Variants in TTN observed in about 807,000 individuals in gnomAD.
TTN encodes the protein titin.
In TTN, 1,525 loss-of-function variants were observed where a neutral mutation model predicts 3,223.0. The ratio of observed to expected loss-of-function variants is 0.47; its 90% CI spans 0.45 to 0.49. The LOEUF (loss-of-function observed/expected upper bound fraction) is 0.49. TTN is among the 20% of genes least tolerant of loss of function. The pLI, the probability that TTN is intolerant of heterozygous loss-of-function variation, is 0.00. For missense variants in TTN, 40,786 were observed against 43,424.0 expected (o/e 0.94, Z 5.40); for synonymous variants, 14,094 against 15,161.0 (o/e 0.93, Z 5.17).
At chr2:178,684,107 A>C in intron 132 of TTN, 25 bp from the exon 133 acceptor site, 1 of 1,609,846 alleles carries the variant, frequency 6.2e-7, no homozygotes, top group Non-Finnish European at 8.5e-7. Context: ...TTCACTTTAA[A>C]GTATTGTTTC....
chr2:178,578,474 A>G, intron 321 of TTN, 137 bp downstream of exon 321: 1 of 645,636 alleles, frequency 1.5e-6, no homozygotes, highest in Non-Finnish European at 2.6e-6. Flanking sequence ...TTAAACATTA[A>G]CCATATGTAC....
At position 178,746,006 on chromosome 2, in the gene TTN, C is replaced by G. The variant is rs148147002; in HGVS notation, c.11312-4085G>C. On this transcript the variant is annotated intron_variant, in intron 47 of 362. Transcript: ENST00000589042. Reference sequence around the variant, plus strand: ...AGAATCTCCCATGGTGAGGAATCCCCGACAGATAGCCTCTCCTACACAATT... The same window carrying G: ...AGAATCTCCCATGGTGAGGAATCCCGGACAGATAGCCTCTCCTACACAATT... The G allele has an allele frequency of 4.3e-6, 7 of 1,613,040 alleles. No individual in the cohort carries two copies. The African/African-American group carries it at 9.4e-5, about 22-fold the overall frequency.
At chr2:178,596,596 G>A (rs558797714) in intron 294 of TTN, among the ~76,000 whole-genome samples, 2 of 152,054 alleles carry the variant, frequency 1.3e-5, no homozygotes, top group African/African-American at 2.4e-5. Context: ...AATAATTAAC[G>A]TGGAAATGTA....
At position 178,579,023 on chromosome 2, in the gene TTN, C is replaced by T. The variant is rs755897447; in HGVS notation, c.68007G>A (p.Lys22669=). The part of the protein sequence containing the change: ...EAMTLKWAPP[K]DDGGSEITNY... ...TGGTGATTTCAGAACCTCCATCATC[C>T]TTTGGAGGAGCCCACTTTAAGGTCA... Residue 22669 remains lysine (K), a synonymous_variant, in exon 320 of 363, where the codon AAG becomes AAA. Coordinates refer to ENST00000589042, the MANE Select transcript of TTN (RefSeq NM_001267550.2). 1.5e-5 allele frequency: 24 copies of T among 1,613,090 alleles called. No homozygotes were observed. The highest frequency in any genetic ancestry group is 5.5e-5 in the South Asian group (5 of 91,072).
rs1250017638 is a variant in TTN, at chr2:178,591,405, A to C, written c.60320T>G (p.Val20107Gly). The stretch of plus-strand genomic sequence containing the variant: ...ATCGGTTGTCCACTTTGCAGTAGGA[A>C]CAGGCACACCTCTTATAATAGCAGG... ...RFPAIIRGVP[V>G]PTAKWTTDGS... Residue 20107 changes from valine to glycine, a missense_variant, in exon 304 of 363, where the codon GTT (valine) becomes GGT (glycine). Coordinates refer to ENST00000589042, the MANE Select transcript of TTN (RefSeq NM_001267550.2). 1 of 1,612,336 alleles carries C rather than the reference A, an allele frequency of 6.2e-7. No homozygotes were observed. The highest frequency in any genetic ancestry group is 1.1e-5 in the South Asian group (1 of 90,840).
Position 178,800,468 on chromosome 2 carries a change from G to A in TTN, c.510C>T (p.Asp170=). ...SLLIAEAYPE[D]SGTYSVNATN... ...TGGCATTTACTGAATAGGTCCCTGA[G>A]TCCTCAGGGTATGCTTCTGCAATCA... The change falls in exon 4 of 363, where the codon GAC becomes GAT. Residue 170 remains aspartate (D), a synonymous_variant. Transcript: ENST00000589042. 1 of 1,614,150 alleles carries A rather than the reference G, an allele frequency of 6.2e-7. No homozygotes were observed.
rs199705789 is a variant in TTN, at chr2:178,644,611, G to T, written c.40414C>A (p.Pro13472Thr). 1.9e-6 allele frequency: 3 copies of T among 1,564,868 alleles called. No individual in the cohort carries two copies. The highest frequency in any genetic ancestry group is 2.6e-6 in the Non-Finnish European group (3 of 1,158,228). ...KEKIFQLKAIPKKKVPEKPQV... is the reference protein window; with the variant it reads ...KEKIFQLKAITKKKVPEKPQV... ...GGTTTTTCAGGAACTTTCTTCTTTG[G>T]AATAGCTTTAAAGAATATGATTTTA... The change falls in exon 218 of 363, where the codon CCA (proline) becomes ACA (threonine). Residue 13472 changes from proline (P) to threonine (T), a missense_variant. Coordinates refer to ENST00000589042, the MANE Select transcript of TTN (RefSeq NM_001267550.2).
chr2:178,758,291 G>GA (rs541325696), intron 44 of TTN, among the ~76,000 whole-genome samples: 83 of 152,150 alleles, frequency 5.5e-4, no homozygotes, highest in Non-Finnish European at 1.1e-3. Context: ...ATAAGGTTAA[G>GA]AAAAAAATAG....
In TTN at chr2:178,573,714, A is replaced by G. The variant is rs768746312; in HGVS notation, c.72418T>C (p.Cys24140Arg). The change falls in exon 326 of 363, where the codon TGT (cysteine) becomes CGT (arginine). Residue 24140 changes from cysteine to arginine, a missense_variant. Physicochemically the swap from Cys to Arg is radical, Grantham distance 180 (BLOSUM62 -3). Coordinates refer to ENST00000589042, the MANE Select transcript of TTN (RefSeq NM_001267550.2). ...LAVTEVTSEK[C>R]VLSWFPPLDD... is the part of the protein sequence containing the mutation. The stretch of plus-strand genomic sequence containing the variant: ...AGTGGAGGGAACCATGATAGTACAC[A>G]CTTTTCTGATGTCACTTCAGTTACA... 6.5e-7 allele frequency: 1 copy of G among 1,547,160 alleles called. No individual in the cohort carries two copies. The highest frequency in any genetic ancestry group is 2.0e-5 in the Admixed American group (1 of 50,222).
chr2:178,602,255 A>G (rs1476639234), intron 283 of TTN, 27 bp downstream of exon 283: 5 of 1,604,616 alleles, frequency 3.1e-6, no homozygotes, highest in Non-Finnish European at 3.4e-6. Context: ...CAAAAGAGGA[A>G]TACATAAACT....
chr2:178,719,784 C>A lies in TTN; in HGVS notation c.23708G>T (p.Gly7903Val). ...TACACACTCTAATGCAAAAGGATTT[C>A]CAGTAGTGACAGTCATGGGTTCGGG... ...EKPEPMTVTT[G>V]NPFALECVVT... is the part of the protein sequence containing the mutation. The change falls in exon 82 of 363, where the codon GGA (glycine) becomes GTA (valine). Residue 7903 changes from glycine to valine, a missense_variant. By Grantham distance (109) the Gly-to-Val change is moderately radical (BLOSUM62 -3). Coordinates refer to ENST00000589042, the MANE Select transcript of TTN (RefSeq NM_001267550.2). The A allele has an allele frequency of 6.2e-7, 1 of 1,613,318 alleles. No individual in the cohort carries two copies. The highest frequency in any genetic ancestry group is 8.5e-7 in the Non-Finnish European group (1 of 1,179,452).
rs201717871 is a variant in TTN, at chr2:178,618,381, C to T, written c.47077G>A (p.Val15693Ile). The change falls in exon 252 of 363, where the codon GTT becomes ATT. Residue 15693 changes from valine (V) to isoleucine (I), a missense_variant. Coordinates refer to ENST00000589042, the MANE Select transcript of TTN (RefSeq NM_001267550.2). ...TDGGSKIIGY[V>I]VERRDIKRKT... Reference sequence around the variant, plus strand: ...CTCTTAATGTCACGTCTTTCAACAACGTAACCTATGATTTTGCTTCCACCA... The same window carrying T: ...CTCTTAATGTCACGTCTTTCAACAATGTAACCTATGATTTTGCTTCCACCA... 2,693 of 1,612,464 alleles carry T rather than the reference C, an allele frequency of 1.7e-3. 3 individuals are homozygous for T. Among genetic ancestry groups the T allele is most frequent in the Non-Finnish European group, 2.2e-3 (2,546 of 1,179,074 alleles).
rs2288565 is a variant in TTN, at chr2:178,615,633, G to A, written c.48460+8C>T. The A allele has an allele frequency of 1.9e-3, 3,044 of 1,612,076 alleles. 96 individuals are homozygous for A. In the East Asian group the frequency reaches 0.061, roughly 33 times the overall value. ...GATTAGGTAAGAAATCATCAAGAAT[G>A]TACTCACTTGCAGGAGTTGACATAT... On this transcript the variant is annotated splice_region_variant and intron_variant, in intron 258 of 362. Transcript: ENST00000589042.
In TTN at chr2:178,786,129, T is replaced by A. The variant is rs1554023044; in HGVS notation, c.2089A>T (p.Lys697Ter). The change falls in exon 14 of 363, where the codon AAA (lysine) becomes TAA (stop). Residue 697 changes from lysine to a stop codon, truncating the protein, a stop_gained. Transcript: ENST00000589042. LOFTEE classifies it high-confidence loss of function. ...ACTGTTGCTACAGCTTCAGCCTTTT[T>A]TCCAACGTCCACCTGGAGACAAGGT... ...QVTHGKVDVG[K>*]KAEAVATVVA... 2 of 1,613,872 alleles carry A rather than the reference T, an allele frequency of 1.2e-6. No individual in the cohort carries two copies. The highest frequency in any genetic ancestry group is 1.7e-6 in the Non-Finnish European group (2 of 1,179,958).
At chr2:178,700,265 T>C (rs2074723355) in intron 111 of TTN, among the ~76,000 whole-genome samples, 1 of 152,226 alleles carries the variant, frequency 6.6e-6, no homozygotes, top group Admixed American at 6.5e-5. Flanking sequence ...TGAGGTTGCA[T>C]TAGTCACAAA....
In TTN at chr2:178,543,864, T is replaced by TCTTGCCAGATTGGTTTTCAG. The variant is rs2154143867; in HGVS notation, c.96260_96279dup (p.Lys32094LeufsTer26). The TCTTGCCAGATTGGTTTTCAG allele has an allele frequency of 6.2e-7, 1 of 1,613,744 alleles. No homozygotes were observed. Among genetic ancestry groups the TCTTGCCAGATTGGTTTTCAG allele is most frequent in the Non-Finnish European group, 8.5e-7 (1 of 1,179,712 alleles). On this transcript the variant is annotated frameshift_variant, in exon 346 of 363. Transcript: ENST00000589042. LOFTEE classifies it high-confidence loss of function. ...ACTTTAACAAGGACTGTTGCTGATT[T>TCTTGCCAGATTGGTTTTCAG]CTTGCCAGATTGGTTTTCAGCTTCA...
At position 178,706,272 on chromosome 2, in the gene TTN, G is replaced by C. The variant is rs557448554; in HGVS notation, c.29420+182C>G. Among the ~76,000 whole-genome samples, 10 of 152,280 alleles carry C rather than the reference G, an allele frequency of 6.6e-5. No individual in the cohort carries two copies. In the South Asian group the frequency reaches 2.1e-3, roughly 32 times the overall value. The stretch of plus-strand genomic sequence containing the variant: ...CATCCTCCCATATGCTTCATCTCTA[G>C]ATTACTTATAATATCTAATACAATG... On this transcript the variant is annotated intron_variant, in intron 102 of 362. Coordinates refer to ENST00000589042, the MANE Select transcript of TTN (RefSeq NM_001267550.2).
intron 209 of TTN, 122 bp from the exon 210 acceptor site, chr2:178,650,393 A>AT: frequency 1.0e-6 from 1 of 976,378 alleles, no homozygotes; most frequent in Admixed American, 3.1e-5. Context: ...ACCTTCTCTT[A>AT]TTTTTGTTTA....
rs906423767 is a variant in TTN at position 178,605,276 on chromosome 2, C to G, written c.53901G>C (p.Leu17967Phe). Residue 17967 changes from leucine to phenylalanine, a missense_variant, in exon 280 of 363, where the codon TTG (leucine) becomes TTC (phenylalanine). Physicochemically the swap from Leu to Phe is conservative, Grantham distance 22. Transcript: ENST00000589042. ...QDDEVPPTIK[L>F]RLSVRGDTIK... ...TAGTGTCTCCTCGAACACTCAGACG[C>G]AACTTAATAGTTGGAGGCACTGCAA... The G allele has an allele frequency of 1.3e-6, 2 of 1,587,638 alleles. No homozygotes were observed. The highest frequency in any genetic ancestry group is 1.7e-6 in the Non-Finnish European group (2 of 1,167,482).
Sources: gnomAD v4.1 joint callset for allele counts (sites outside exome capture counted in the v4.1 genomes callset) on GRCh38, gnomAD v4.1.1 for gene constraint, MANE v1.5 for transcripts, NCBI Gene and HGNC (gene_info 2026-07-23, HGNC 2026-07-21) for gene names.